Variants in SGCZ observed in about 807,000 individuals in gnomAD.
SGCZ encodes the protein zeta-sarcoglycan.
SGCZ carries 40 observed loss-of-function variants against 41.3 expected under a neutral mutation model. The ratio of observed to expected loss-of-function variants is 0.97; its 90% CI spans 0.75 to 1.26. The LOEUF (loss-of-function observed/expected upper bound fraction) is 1.26, where lower values mean the gene tolerates loss of function less well. Ranked by LOEUF, SGCZ falls within the 50% of genes most tolerant of loss-of-function variation. The pLI is 0.00. For missense variants in SGCZ, 552 were observed against 369.8 expected, an observed-to-expected ratio of 1.49 and a Z score of -4.04; for synonymous variants, 206 against 137.5, an observed-to-expected ratio of 1.50 and a Z score of -3.49.
intron 3 of SGCZ, among the ~76,000 whole-genome samples, chr8:14,291,218 T>G (rs1800830065): frequency 6.6e-6 from 1 of 152,084 alleles, no homozygotes; most frequent in Non-Finnish European, 1.5e-5. Context: ...GAGAAATAAG[T>G]TCTAGGTATC....
At chr8:14,204,129 G>A (rs568245616) in intron 4 of SGCZ, among the ~76,000 whole-genome samples, 178 of 152,102 alleles carry the variant, frequency 1.2e-3, no homozygotes, top group African/African-American at 3.8e-3. Flanking sequence ...GACCGTCTTC[G>A]GCAAATTTTT....
At chr8:15,095,038 G>GTGAA (rs1440534295) in intron 1 of SGCZ, among the ~76,000 whole-genome samples, 8 of 152,144 alleles carry the variant, frequency 5.3e-5, no homozygotes, top group Non-Finnish European at 1.0e-4. Context: ...ACTCTATATT[G>GTGAA]TGAAGTCAGG....
In SGCZ at chr8:14,761,377, A is replaced by G. The variant is rs1799866810; in HGVS notation, c.40-206451T>C. 1.3e-5 allele frequency among the ~76,000 whole-genome samples: 2 copies of G among 152,026 alleles called. 1 individual carries two copies. The highest frequency in any genetic ancestry group is 4.1e-4 in the South Asian group (2 of 4,828). ...TACAATATTTACTAAACTCTAGAAA[A>G]CAAACTTTATTTTCTTGGAAAACAA... On this transcript the variant is annotated intron_variant, in intron 1 of 7. Coordinates refer to ENST00000382080, the MANE Select transcript of SGCZ (RefSeq NM_139167.4).
At chr8:15,154,470 G>A (rs943946960) in intron 1 of SGCZ, among the ~76,000 whole-genome samples, 3 of 152,188 alleles carry the variant, frequency 2.0e-5, no homozygotes, top group African/African-American at 7.2e-5. Context: ...CTCCCTTAGA[G>A]AGGGTCACCA....
At position 14,134,762 on chromosome 8, in the gene SGCZ, T is replaced by C. The variant is rs146418949; in HGVS notation, c.548-26527A>G. Among the ~76,000 whole-genome samples the C allele has an allele frequency of 5.9e-3, 895 of 152,288 alleles. 6 individuals are homozygous for C. Among genetic ancestry groups the C allele is most frequent in the African/African-American group, 0.02 (851 of 41,556 alleles). On this transcript the variant is annotated intron_variant, in intron 5 of 7. Coordinates refer to ENST00000382080, the MANE Select transcript of SGCZ (RefSeq NM_139167.4). ...TCTCTGTGTCCTGATTTCACATTTC[T>C]GTTTTTTTAAATCAGGGTTTGGCAA...
chr8:14,695,201 TAATG>T (rs1808920064), intron 1 of SGCZ, among the ~76,000 whole-genome samples: 1 of 152,182 alleles, frequency 6.6e-6, no homozygotes, highest in Non-Finnish European at 1.5e-5. Flanking sequence ...TTTATGATGA[TAATG>T]ATGACATAAT....
At chr8:14,408,276 C>G (rs1016967137) in intron 2 of SGCZ, among the ~76,000 whole-genome samples, 5 of 152,148 alleles carry the variant, frequency 3.3e-5, no homozygotes, top group African/African-American at 1.2e-4. Context: ...CCTGTCCAGA[C>G]TGTTTGTTTA....
chr8:14,515,256 A>C (rs1367325456), intron 2 of SGCZ, among the ~76,000 whole-genome samples: 1 of 152,064 alleles, frequency 6.6e-6, no homozygotes, highest in African/African-American at 2.4e-5. Flanking sequence ...TTCTGCACTC[A>C]CTGACTTATT....
At chr8:14,306,151 C>G (rs1356247047) in intron 3 of SGCZ, among the ~76,000 whole-genome samples, 4 of 152,152 alleles carry the variant, frequency 2.6e-5, no homozygotes, top group Admixed American at 2.0e-4. Context: ...CTGAATCCAT[C>G]ATTACATATA....
At chr8:15,044,925 G>A (rs1804245859) in intron 1 of SGCZ, among the ~76,000 whole-genome samples, 1 of 152,146 alleles carries the variant, frequency 6.6e-6, no homozygotes, top group South Asian at 2.1e-4. Context: ...AGTAAATTAT[G>A]ATGGTTTTGT....
At chr8:14,748,247 C>G (rs1028381923) in intron 1 of SGCZ, among the ~76,000 whole-genome samples, 3 of 152,098 alleles carry the variant, frequency 2.0e-5, no homozygotes, top group African/African-American at 7.2e-5. Flanking sequence ...CTTCATGTTA[C>G]AGTTGAAGAA....
Position 14,510,835 on chromosome 8 carries a change from G to A in SGCZ, c.234+43897C>T, listed in dbSNP as rs571353094. 2.6e-5 allele frequency among the ~76,000 whole-genome samples: 4 copies of A among 152,112 alleles called. No homozygotes were observed. The East Asian group carries it at 7.8e-4, about 29-fold the overall frequency. On this transcript the variant is annotated intron_variant, in intron 2 of 7. Transcript: ENST00000382080. ...AAATAAAAAGCTAAATAAGCCTTTTGCCAGTTTTACAACTGAGAAATGTCT... is the reference window on the plus strand; with the variant it reads ...AAATAAAAAGCTAAATAAGCCTTTTACCAGTTTTACAACTGAGAAATGTCT...
chr8:14,133,080 C>T (rs1803090803), intron 5 of SGCZ, among the ~76,000 whole-genome samples: 1 of 152,098 alleles, frequency 6.6e-6, no homozygotes, highest in Non-Finnish European at 1.5e-5. Context: ...CAGATTGGCT[C>T]TGTATTGGGG....
At chr8:15,068,333 C>T (rs577616168) in intron 1 of SGCZ, among the ~76,000 whole-genome samples, 4 of 152,146 alleles carry the variant, frequency 2.6e-5, no homozygotes, top group African/African-American at 4.8e-5. Flanking sequence ...TATCTCTTTT[C>T]AGTGAGGCCC....
intron 1 of SGCZ, among the ~76,000 whole-genome samples, chr8:15,206,374 C>A (rs1376729902): frequency 6.6e-6 from 1 of 151,582 alleles, no homozygotes; most frequent in Non-Finnish European, 1.5e-5. Flanking sequence ...AGTGACTTAC[C>A]CAATTAGGCT....
At chr8:14,781,951 G>GTATT (rs1399852411) in intron 1 of SGCZ, among the ~76,000 whole-genome samples, 1 of 152,166 alleles carries the variant, frequency 6.6e-6, no homozygotes, top group Non-Finnish European at 1.5e-5. Flanking sequence ...TATTGACTAT[G>GTATT]TATTACTTTT....
chr8:14,717,363 A>G (rs886764890), intron 1 of SGCZ, among the ~76,000 whole-genome samples: 8 of 152,168 alleles, frequency 5.3e-5, no homozygotes, highest in Middle Eastern at 3.2e-3. Flanking sequence ...ACTTTCTGAA[A>G]CTTACTATAA....
chr8:14,411,593 C>A (rs1266677122), intron 2 of SGCZ, among the ~76,000 whole-genome samples: 1 of 152,060 alleles, frequency 6.6e-6, no homozygotes, highest in African/African-American at 2.4e-5. Context: ...AACCTCTAGG[C>A]TTTCTGAGGG....
At chr8:14,427,060 ATGAATGAG>A (rs200798907) in intron 2 of SGCZ, among the ~76,000 whole-genome samples, 29,247 of 141,116 alleles carry the variant, frequency 0.21, 3,507 homozygotes, top group Non-Finnish European at 0.28. Context: ...GAATGAATGA[ATGAATGAG>A]TGAATGAACG....
Sources: allele counts gnomAD v4.1 joint callset (sites outside exome capture counted in the v4.1 genomes callset), GRCh38; gene constraint gnomAD v4.1.1; transcripts MANE v1.5; gene names NCBI Gene and HGNC (gene_info 2026-07-23, HGNC 2026-07-21).